The following SUGCT variants were observed in gnomAD, a reference collection of about 807,000 sequenced individuals.
The protein encoded by SUGCT is succinyl-CoA:glutarate-CoA transferase.
A neutral mutation model predicts 55.0 loss-of-function variants in SUGCT; 41 were observed. The observed-to-expected ratio is 0.74, with a 90% CI of 0.58 to 0.97. The LOEUF (loss-of-function observed/expected upper bound fraction) is 0.97, where lower values mean the gene tolerates loss of function less well. Among genes scored for constraint, SUGCT ranks in the 50% least tolerant of loss-of-function variants. The probability of loss-of-function intolerance (pLI) is 0.00; values close to 1 mark genes in which losing one functional copy is unlikely to be tolerated. For synonymous variants in SUGCT, 187 were observed against 200.4 expected (o/e 0.93, Z 0.56); for missense variants, 568 against 547.8 (o/e 1.04, Z -0.37).
At chr7:40,427,703 A>C (rs1424805841) in intron 9 of SUGCT, among the ~76,000 whole-genome samples, 1 of 152,094 alleles carries the variant, frequency 6.6e-6, no homozygotes, top group African/African-American at 2.4e-5. Context: ...CCAGGGGCTC[A>C]CTGGGAGGAA....
the SUGCT span, among the ~76,000 whole-genome samples, chr7:40,962,910 G>C: frequency 4.6e-5 from 7 of 152,174 alleles, no homozygotes; most frequent in Admixed American, 4.6e-4. Flanking sequence ...TTTTAGGCAG[G>C]TTTCCAGGAA....
chr7:40,258,657 G>A (rs772984600), intron 7 of SUGCT, among the ~76,000 whole-genome samples: 15 of 152,192 alleles, frequency 9.9e-5, no homozygotes, highest in East Asian at 7.7e-4. Flanking sequence ...GATTATAGGC[G>A]TGAGCCACCA....
At chr7:40,896,221 A>C in the SUGCT span, among the ~76,000 whole-genome samples, 1 of 152,238 alleles carries the variant, frequency 6.6e-6, no homozygotes, top group African/African-American at 2.4e-5. Context: ...AAAAAAAATA[A>C]GAAAACAATC....
intron 9 of SUGCT, among the ~76,000 whole-genome samples, chr7:40,357,032 T>C (rs944977195): frequency 1.3e-5 from 2 of 152,210 alleles, no homozygotes; most frequent in African/African-American, 4.8e-5. Flanking sequence ...GCTGCTGTAA[T>C]CAGACACAAT....
intron 12 of SUGCT, among the ~76,000 whole-genome samples, chr7:40,683,804 C>T (rs1183521006): frequency 1.3e-5 from 2 of 152,200 alleles, no homozygotes; most frequent in African/African-American, 4.8e-5. Context: ...TATATTAGTT[C>T]TCTATTATTG....
the SUGCT span, among the ~76,000 whole-genome samples, chr7:40,988,572 T>A: frequency 6.6e-6 from 1 of 152,076 alleles, no homozygotes; most frequent in African/African-American, 2.4e-5. Flanking sequence ...TGGATACTGA[T>A]ACTGGGGATA....
intron 12 of SUGCT, among the ~76,000 whole-genome samples, chr7:40,554,144 G>A (rs1295371543): frequency 3.9e-5 from 6 of 152,218 alleles, no homozygotes; most frequent in Non-Finnish European, 7.3e-5. Context: ...AATAAATGTT[G>A]TAAGGCATGT....
chr7:40,805,019 C>G (rs1791018335), intron 13 of SUGCT, among the ~76,000 whole-genome samples: 1 of 152,140 alleles, frequency 6.6e-6, no homozygotes. Flanking sequence ...TCTGTTTTCA[C>G]TTTTATTTGT....
At chr7:40,339,073 A>G (rs1796892151) in intron 9 of SUGCT, among the ~76,000 whole-genome samples, 1 of 152,206 alleles carries the variant, frequency 6.6e-6, no homozygotes, top group South Asian at 2.1e-4. Flanking sequence ...ACATTGCTGA[A>G]CAGCAAATGT....
At chr7:40,898,221 A>T in the SUGCT span, among the ~76,000 whole-genome samples, 1 of 152,038 alleles carries the variant, frequency 6.6e-6, no homozygotes, top group Non-Finnish European at 1.5e-5. Context: ...TATAACACTC[A>T]CTGCAAAGGT....
At chr7:40,993,582 CT>C in the SUGCT span, among the ~76,000 whole-genome samples, 1 of 152,150 alleles carries the variant, frequency 6.6e-6, no homozygotes, top group Non-Finnish European at 1.5e-5. Context: ...CTGCAGTTTC[CT>C]TCATGAGTCT....
At chr7:40,377,198 CTTTTCTTTTCTTTTCTTTCTTTT>C (rs1784621279) in intron 9 of SUGCT, among the ~76,000 whole-genome samples, 1 of 16,568 alleles carries the variant, frequency 6.0e-5, no homozygotes, top group Non-Finnish European at 1.1e-4. Context: ...TTCTTTCTTT[CTTTTCTTTTCTTTTCTTTCTTTT>C]CTTTCTTTCT....
At chr7:40,487,696 G>GTATTTAGGTTA (rs1169817005) in intron 11 of SUGCT, among the ~76,000 whole-genome samples, 2 of 151,882 alleles carry the variant, frequency 1.3e-5, no homozygotes, top group East Asian at 3.9e-4. Context: ...GTTCTGATTT[G>GTATTTAGGTTA]GGTACATATG....
intron 12 of SUGCT, among the ~76,000 whole-genome samples, chr7:40,540,757 G>A (rs1448116253): frequency 2.6e-5 from 4 of 152,224 alleles, no homozygotes; most frequent in South Asian, 2.1e-4. Context: ...ACATGGGACC[G>A]AGGAGACTGA....
In SUGCT at chr7:40,459,168, G is replaced by A. The variant is rs1263549463; in HGVS notation, c.956G>A (p.Arg319Lys). 1.9e-6 allele frequency: 3 copies of A among 1,609,064 alleles called. No individual in the cohort carries two copies. In the South Asian group the frequency reaches 3.3e-5, roughly 18 times the overall value. The change falls in exon 11 of 14, where the codon AGA (arginine) becomes AAA (lysine). Residue 319 changes from arginine (R) to lysine (K), a missense_variant. Coordinates refer to ENST00000335693, the MANE Select transcript of SUGCT (RefSeq NM_001193313.2). The part of the protein sequence containing the change: ...YKTNHLRVHN[R>K]KELIKILSER... Reference sequence around the variant, plus strand: ...ACTAACCACCTTCGGGTACACAATAGAAAAGAGCTTATTAAAATATTATCT... The same window carrying A: ...ACTAACCACCTTCGGGTACACAATAAAAAAGAGCTTATTAAAATATTATCT...
At chr7:40,500,020 C>T (rs1792193755) in intron 12 of SUGCT, among the ~76,000 whole-genome samples, 1 of 152,240 alleles carries the variant, frequency 6.6e-6, no homozygotes, top group Non-Finnish European at 1.5e-5. Flanking sequence ...ATATATCTCA[C>T]CACTGAGAGG....
At chr7:40,661,034 A>G (rs73124004) in intron 12 of SUGCT, among the ~76,000 whole-genome samples, 28,789 of 152,164 alleles carry the variant, frequency 0.19, 2,882 homozygotes, top group African/African-American at 0.25. Flanking sequence ...GTGAAAAAAC[A>G]TGCAACTTTA....
At chr7:40,236,442 C>CAAAAAAAAAAAAAAAA (rs60720770) in intron 6 of SUGCT, among the ~76,000 whole-genome samples, 29 of 89,972 alleles carry the variant, frequency 3.2e-4, no homozygotes, top group Non-Finnish European at 4.4e-4. Flanking sequence ...TTTCTGATGG[C>CAAAAAAAAAAAAAAAA]AAAAAAAAAA....
At chr7:40,898,480 CGGGGGG>C in the SUGCT span, among the ~76,000 whole-genome samples, 84 of 5,716 alleles carry the variant, frequency 0.015, 14 homozygotes, top group East Asian at 0.084. Flanking sequence ...TCCGGGAGGT[CGGGGGG>C]GGGGGGGGGG....
Sources: gnomAD v4.1 joint callset for allele counts (sites outside exome capture counted in the v4.1 genomes callset) on GRCh38, gnomAD v4.1.1 for gene constraint, MANE v1.5 for transcripts, NCBI Gene and HGNC (gene_info 2026-07-23, HGNC 2026-07-21) for gene names.